ABCA13: variants seen among roughly 807,000 people sequenced by gnomAD.
ABCA13 encodes the protein ATP binding cassette subfamily A member 13.
ABCA13 carries 476 observed loss-of-function variants against 478.7 expected under a neutral mutation model. The ratio of observed to expected loss-of-function variants is 0.99; its 90% CI spans 0.92 to 1.07. The LOEUF (loss-of-function observed/expected upper bound fraction) is 1.07, where lower values mean the gene tolerates loss of function less well. Among genes scored for constraint, ABCA13 ranks in the 50% least tolerant of loss-of-function variants. ABCA13 has a pLI of 0.00. For synonymous variants in ABCA13, 2,252 were observed against 2,158.9 expected, an observed-to-expected ratio of 1.04 and a Z score of -1.20; for missense variants, 6,060 against 5,910.6, an observed-to-expected ratio of 1.03 and a Z score of -0.83.
chr7:48,412,961 G>A (rs986482223), intron 41 of ABCA13, among the ~76,000 whole-genome samples: 2 of 151,370 alleles, frequency 1.3e-5, no homozygotes, highest in East Asian at 2.0e-4. Flanking sequence ...ACAGGCGCCC[G>A]CCACCACGCC....
At chr7:48,499,792 C>G (rs1830583754) in intron 48 of ABCA13, among the ~76,000 whole-genome samples, 1 of 152,124 alleles carries the variant, frequency 6.6e-6, no homozygotes, top group Non-Finnish European at 1.5e-5. Flanking sequence ...GGTGTTGAAA[C>G]TATGCCCCTT....
chr7:48,281,442 C>T lies in ABCA13; in HGVS notation c.8826C>T (p.Thr2942=), dbSNP rs966821714. The change falls in exon 19 of 62, where the codon ACC becomes ACT. Residue 2942 remains threonine (T), a synonymous_variant. Transcript: ENST00000435803. ...KVKMMVVRVL[T]IVAENPSWTK... ...AGATGATGGTCGTACGTGTGCTCACCATCGTTGCAGGTGGGCTGCTCATAT... is the reference window on the plus strand; with the variant it reads ...AGATGATGGTCGTACGTGTGCTCACTATCGTTGCAGGTGGGCTGCTCATAT... The T allele has an allele frequency of 9.4e-6, 15 of 1,596,242 alleles. No homozygotes were observed. The highest frequency in any genetic ancestry group is 1.3e-5 in the Non-Finnish European group (15 of 1,171,248).
intron 15 of ABCA13, among the ~76,000 whole-genome samples, chr7:48,261,607 G>A (rs1038214733): frequency 6.7e-6 from 1 of 149,142 alleles, no homozygotes; most frequent in African/African-American, 2.5e-5. Flanking sequence ...CTTCTTTAAA[G>A]ATTTTTTAAA....
chr7:48,498,503 T>C (rs1263122929), intron 48 of ABCA13, among the ~76,000 whole-genome samples: 1 of 152,204 alleles, frequency 6.6e-6, no homozygotes, highest in Admixed American at 6.5e-5. Flanking sequence ...TGTTGTGTTA[T>C]GTCCAGCAGT....
chr7:48,443,099 A>G (rs1823850134), intron 42 of ABCA13, among the ~76,000 whole-genome samples: 1 of 152,194 alleles, frequency 6.6e-6, no homozygotes, highest in African/African-American at 2.4e-5. Context: ...CATGTGAGGG[A>G]GAAGAAAGCC....
intron 17 of ABCA13, 24 bp from the exon 18 acceptor site, chr7:48,278,070 G>GTATATATA (rs59259655): frequency 2.2e-4 from 168 of 768,056 alleles, no homozygotes; most frequent in Middle Eastern, 1.4e-3. Context: ...TAAATTAAAA[G>GTATATATA]TATATATATA....
intron 31 of ABCA13, among the ~76,000 whole-genome samples, chr7:48,358,173 GGA>G (rs1810241971): frequency 7.9e-6 from 1 of 127,302 alleles, no homozygotes; most frequent in East Asian, 2.4e-4. Flanking sequence ...AGAAAGGACA[GGA>G]CAGGACAGGA....
intron 55 of ABCA13, among the ~76,000 whole-genome samples, chr7:48,572,938 C>T (rs1385810155): frequency 6.6e-6 from 1 of 152,010 alleles, no homozygotes; most frequent in Admixed American, 6.6e-5. Flanking sequence ...TCTATTTCTT[C>T]CTTTTCTTGG....
intron 42 of ABCA13, among the ~76,000 whole-genome samples, chr7:48,452,471 C>T (rs1825160369): frequency 6.6e-6 from 1 of 152,230 alleles, no homozygotes; most frequent in Admixed American, 6.5e-5. Flanking sequence ...TCTGAGTCTA[C>T]TCTATTCCTT....
intron 55 of ABCA13, among the ~76,000 whole-genome samples, chr7:48,559,172 A>G (rs999997999): frequency 4.6e-5 from 7 of 152,146 alleles, no homozygotes; most frequent in Non-Finnish European, 1.5e-5. Flanking sequence ...GGATCCAGGG[A>G]TTAGAGTCAA....
At chr7:48,225,255 T>C (rs1214669019) in intron 5 of ABCA13, among the ~76,000 whole-genome samples, 2 of 136,040 alleles carry the variant, frequency 1.5e-5, no homozygotes, top group Admixed American at 7.4e-5. Context: ...CTTTCCTCTC[T>C]CCTTTCTTCC....
chr7:48,245,671 T>C, intron 12 of ABCA13, 59 bp downstream of exon 12: 2 of 1,549,072 alleles, frequency 1.3e-6, no homozygotes, highest in East Asian at 2.3e-5. Context: ...AAGAAGCTCA[T>C]GCAATATTCA....
intron 3 of ABCA13, among the ~76,000 whole-genome samples, chr7:48,202,968 C>G (rs1297970943): frequency 3.3e-5 from 5 of 152,196 alleles, no homozygotes; most frequent in African/African-American, 1.2e-4. Context: ...CAGGGGGCGG[C>G]GCTCGTCGGG....
At position 48,580,126 on chromosome 7, in the gene ABCA13, AC is replaced by A. The variant is rs968853179; in HGVS notation, c.14355-97del. The A allele has an allele frequency of 9.7e-6, 12 of 1,232,006 alleles. No individual in the cohort carries two copies. The African/African-American group carries it at 1.7e-4, about 17-fold the overall frequency. The allele number at this position is 1,232,006 out of a possible 1,614,324, so 76.3% of individuals were successfully genotyped here. Reference sequence around the variant, plus strand: ...GAAATGAACTAATTGTTTTAAATAAACTGCAGTGGACTTGTTATTGATGAGC... The same window carrying A: ...GAAATGAACTAATTGTTTTAAATAAATGCAGTGGACTTGTTATTGATGAGC... On this transcript the variant is annotated intron_variant, in intron 55 of 61. Coordinates refer to ENST00000435803, the MANE Select transcript of ABCA13 (RefSeq NM_152701.5).
chr7:48,594,040 G>A (rs963599622), intron 57 of ABCA13, among the ~76,000 whole-genome samples: 1 of 151,918 alleles, frequency 6.6e-6, no homozygotes, highest in African/African-American at 2.4e-5. Flanking sequence ...TTGTTGGGTT[G>A]AAGCTATTTG....
chr7:48,559,104 C>T (rs1786176575), intron 55 of ABCA13, among the ~76,000 whole-genome samples: 1 of 152,190 alleles, frequency 6.6e-6, no homozygotes. Context: ...ATGTTTGTGT[C>T]ATTCCCTTCA....
chr7:48,223,909 A>G (rs1279595403), intron 5 of ABCA13, among the ~76,000 whole-genome samples: 5 of 147,428 alleles, frequency 3.4e-5, no homozygotes, highest in Non-Finnish European at 7.4e-5. Flanking sequence ...CAGTGACCTG[A>G]GATTGTGCCA....
intron 27 of ABCA13, among the ~76,000 whole-genome samples, chr7:48,319,087 T>C (rs368088455): frequency 5.4e-4 from 82 of 152,190 alleles, no homozygotes; most frequent in Middle Eastern, 3.4e-3. Context: ...GAAAGAAAGA[T>C]TGGGCAAAGC....
intron 55 of ABCA13, among the ~76,000 whole-genome samples, chr7:48,558,750 A>G (rs910872350): frequency 1.3e-5 from 2 of 152,192 alleles, no homozygotes; most frequent in Admixed American, 6.5e-5. Context: ...TGAATTATCT[A>G]TGTGAAAGGT....
Sources: allele counts gnomAD v4.1 joint callset (sites outside exome capture counted in the v4.1 genomes callset), GRCh38; gene constraint gnomAD v4.1.1; transcripts MANE v1.5; gene names NCBI Gene and HGNC (gene_info 2026-07-23, HGNC 2026-07-21).